LCOR: variants seen among roughly 807,000 people sequenced by gnomAD.
LCOR encodes the protein ligand-dependent corepressor.
LCOR carries 14 observed loss-of-function variants against 64.4 expected under a neutral mutation model. That is an observed-to-expected ratio of 0.22 (90% CI 0.14 to 0.34). The LOEUF is 0.34. Ranked by LOEUF, LCOR falls within the 10% of genes least tolerant of loss-of-function variation. The probability of loss-of-function intolerance (pLI) is 1.00; values close to 1 mark genes in which losing one functional copy is unlikely to be tolerated. For synonymous variants in LCOR, 643 were observed against 642.5 expected (o/e 1.00, Z -0.01); for missense variants, 1,686 against 1,765.3 (o/e 0.96, Z 0.80).
chr10:96,877,711 A>G (rs983146238), intron 2 of LCOR, among the ~76,000 whole-genome samples: 1 of 136,646 alleles, frequency 7.3e-6, no homozygotes, highest in Non-Finnish European at 1.5e-5. Flanking sequence ...TCCCGGGTTC[A>G]CGCCATTCTC....
At chr10:96,965,235 G>A (rs1025031682) in intron 7 of LCOR, among the ~76,000 whole-genome samples, 33 of 151,240 alleles carry the variant, frequency 2.2e-4, no homozygotes, top group Middle Eastern at 3.4e-3. Context: ...GGTCTTGATC[G>A]CCTGACCTCG....
chr10:96,873,553 TC>T (rs1846107309), intron 2 of LCOR, among the ~76,000 whole-genome samples: 1 of 141,558 alleles, frequency 7.1e-6, no homozygotes, highest in African/African-American at 2.6e-5. Flanking sequence ...GTTTTGTTTT[TC>T]GATACACACA....
chr10:96,952,912 A>C (rs1847706157), intron 7 of LCOR, among the ~76,000 whole-genome samples: 1 of 152,226 alleles, frequency 6.6e-6, no homozygotes, highest in African/African-American at 2.4e-5. Context: ...AATCAACTTT[A>C]GATATGAAAA....
chr10:96,950,992 G>C (rs1046446599), intron 6 of LCOR, among the ~76,000 whole-genome samples: 1 of 152,006 alleles, frequency 6.6e-6, no homozygotes, highest in South Asian at 2.1e-4. Flanking sequence ...ATGAGTGTGG[G>C]GTTTTTTTAT....
intron 4 of LCOR, among the ~76,000 whole-genome samples, chr10:96,920,596 GTA>G (rs1847045570): frequency 7.3e-6 from 1 of 137,514 alleles, no homozygotes; most frequent in African/African-American, 2.7e-5. Context: ...GTGTATATAT[GTA>G]TGTATATTCA....
At chr10:96,932,466 A>G (rs142645697) in intron 4 of LCOR, among the ~76,000 whole-genome samples, 1 of 150,564 alleles carries the variant, frequency 6.6e-6, no homozygotes, top group Admixed American at 6.6e-5. Flanking sequence ...ATTTTATTTT[A>G]TTTATTTTTA....
chr10:96,976,685 A>C (rs1295709734), intron 7 of LCOR, among the ~76,000 whole-genome samples: 3 of 152,222 alleles, frequency 2.0e-5, no homozygotes. Context: ...ATACCTGTGA[A>C]CTAAATTATT....
At chr10:96,855,498 G>A (rs1276035842) in intron 2 of LCOR, among the ~76,000 whole-genome samples, 1 of 151,764 alleles carries the variant, frequency 6.6e-6, no homozygotes, top group African/African-American at 2.4e-5. Flanking sequence ...GCAATGACGC[G>A]ATCTTGGCTC....
At chr10:96,958,724 C>G in intron 7 of LCOR, 1 of 354,788 alleles carries the variant, frequency 2.8e-6, no homozygotes, top group Non-Finnish European at 5.2e-6. Flanking sequence ...TTTGAATAAG[C>G]ATATTTCCTC....
chr10:96,885,594 T>C (rs2134424815), intron 2 of LCOR, among the ~76,000 whole-genome samples: 1 of 148,166 alleles, frequency 6.7e-6, no homozygotes, highest in South Asian at 2.2e-4. Flanking sequence ...GTCAAGGTCT[T>C]GCTGTGTTGC....
Position 96,937,956 on chromosome 10 carries a change from A to AT in LCOR, c.-183-6155dup, listed in dbSNP as rs554658007. On this transcript the variant is annotated intron_variant, in intron 4 of 7. Transcript: ENST00000421806. The stretch of plus-strand genomic sequence containing the variant: ...GGTTTAACTATTTATTTATTTATTT[A>AT]TTATTTGAGGGTCTCGCCCTGGTCT... Among the ~76,000 whole-genome samples the AT allele has an allele frequency of 2.5e-3, 377 of 152,056 alleles. 1 individual carries two copies. Among genetic ancestry groups the AT allele is most frequent in the Admixed American group, 6.2e-3 (94 of 15,282 alleles).
intron 7 of LCOR, among the ~76,000 whole-genome samples, chr10:96,952,998 G>T (rs867115304): frequency 3.3e-5 from 5 of 152,088 alleles, no homozygotes; most frequent in African/African-American, 1.2e-4. Flanking sequence ...GAGTTACTTA[G>T]ATATTAAAGG....
chr10:96,874,265 A>C (rs1846126494), intron 2 of LCOR, among the ~76,000 whole-genome samples: 1 of 152,190 alleles, frequency 6.6e-6, no homozygotes, highest in South Asian at 2.1e-4. Flanking sequence ...ATCATTAAAG[A>C]TTCTTCTGAT....
chr10:96,862,725 T>C (rs898358346), intron 2 of LCOR, among the ~76,000 whole-genome samples: 1 of 152,154 alleles, frequency 6.6e-6, no homozygotes, highest in Non-Finnish European at 1.5e-5. Flanking sequence ...TACCTAGGAA[T>C]TGCCAGCCCC....
At chr10:96,892,939 G>C (rs914258798) in intron 2 of LCOR, among the ~76,000 whole-genome samples, 1 of 152,090 alleles carries the variant, frequency 6.6e-6, no homozygotes, top group Non-Finnish European at 1.5e-5. Context: ...TATAATTGCT[G>C]ATAAGGAGGA....
Position 96,982,991 on chromosome 10 carries a change from A to C in LCOR, c.2531A>C (p.Glu844Ala). The change falls in exon 8 of 8, where the codon GAA becomes GCA. Residue 844 changes from glutamate (E) to alanine (A), a missense_variant. By Grantham distance (107) the Glu-to-Ala change is moderately radical. Coordinates refer to ENST00000421806, the MANE Select transcript of LCOR (RefSeq NM_001346516.2). ...TCAGATTCTTCCTCAGCTTGTCTTG[A>C]AATCAAAGTTCCTAAAAATCCTAGT... ...QSSDSSSACL[E>A]IKVPKNPSAK... is the part of the protein sequence containing the mutation. The C allele has an allele frequency of 6.2e-7, 1 of 1,613,288 alleles. No individual in the cohort carries two copies. The highest frequency in any genetic ancestry group is 1.1e-5 in the South Asian group (1 of 90,904).
At chr10:96,879,682 G>C (rs1343076630) in intron 2 of LCOR, among the ~76,000 whole-genome samples, 1 of 152,040 alleles carries the variant, frequency 6.6e-6, no homozygotes, top group African/African-American at 2.4e-5. Context: ...TTTTGCGACA[G>C]ACTCTCACCT....
intron 2 of LCOR, among the ~76,000 whole-genome samples, chr10:96,900,514 G>A (rs1229222641): frequency 1.3e-5 from 2 of 151,574 alleles, no homozygotes; most frequent in East Asian, 3.9e-4. Context: ...GTCAAAGTAG[G>A]TTTTTAAAAG....
chr10:96,984,209 A>T lies in LCOR; in HGVS notation c.3749A>T (p.Asn1250Ile), dbSNP rs1848123690. Reference protein sequence around the residue: ...KKFPGATPAKNNWKMQKLWAK... With the variant: ...KKFPGATPAKINWKMQKLWAK... ...TTTCCTGGAGCTACCCCTGCTAAGA[A>T]TAATTGGAAAATGCAGAAGCTCTGG... is the stretch of plus-strand genomic sequence containing the variant. The change falls in exon 8 of 8, where the codon AAT becomes ATT. Residue 1250 changes from asparagine to isoleucine, a missense_variant. Asn to Ile is a moderately radical substitution (Grantham distance 149, BLOSUM62 -3). Transcript: ENST00000421806. The T allele has an allele frequency of 6.2e-7, 1 of 1,613,992 alleles. No individual in the cohort carries two copies. Among genetic ancestry groups the T allele is most frequent in the African/African-American group, 1.3e-5 (1 of 74,914 alleles).
Sources: gnomAD v4.1 joint callset for allele counts (sites outside exome capture counted in the v4.1 genomes callset) on GRCh38, gnomAD v4.1.1 for gene constraint, MANE v1.5 for transcripts, NCBI Gene and HGNC (gene_info 2026-07-23, HGNC 2026-07-21) for gene names.